Variants in ALG1 observed in about 807,000 individuals in gnomAD.
The protein encoded by ALG1 is chitobiosyldiphosphodolichol beta-mannosyltransferase.
Under a neutral mutation model 55.1 loss-of-function variants are expected in ALG1, and 58 were observed. The observed-to-expected ratio is 1.05, with a 90% confidence interval of 0.85 to 1.31. ALG1 has a LOEUF of 1.31. Among genes scored for constraint, ALG1 ranks in the 50% most tolerant of loss-of-function variants. The probability of loss-of-function intolerance (pLI) is 0.00; values close to 1 mark genes in which losing one functional copy is unlikely to be tolerated. For synonymous variants in ALG1, 309 were observed against 247.0 expected (o/e 1.25, Z -2.35); for missense variants, 761 against 598.6 (o/e 1.27, Z -2.83).
At position 5,073,021 on chromosome 16, in the gene ALG1, T is replaced by G; in HGVS notation, c.279T>G (p.Ser93Arg). Residue 93 changes from serine (S) to arginine (R), a missense_variant, in exon 2 of 13, where the codon AGT becomes AGG. Physicochemically the swap from Ser to Arg is moderately radical, Grantham distance 110. Transcript: ENST00000262374. ...IQIVGLTELQ[S>R]LAVGPRVFQY... ...TTGTGGGGTTGACAGAACTTCAGAG[T>G]CTTGCAGGTAGGATGCCGTCAACTC... The G allele has an allele frequency of 1.2e-6, 2 of 1,614,052 alleles. No individual in the cohort carries two copies. Among genetic ancestry groups the G allele is most frequent in the African/African-American group, 2.7e-5 (2 of 75,004 alleles).
chr16:5,085,856 C>T lies in ALG1; in HGVS notation c.*975C>T. The T allele has an allele frequency of 1.3e-6, 1 of 783,116 alleles. No individual in the cohort carries two copies. Among genetic ancestry groups the T allele is most frequent in the East Asian group, 2.6e-5 (1 of 39,094 alleles). The allele number at this position is 783,116 out of a possible 1,614,324, so 48.5% of individuals were successfully genotyped here. A position where few individuals can be genotyped will look rare whatever the true frequency, so the allele number is the denominator to read the frequency against. ...GGTGTCCAAGTCAGTTTACTTGGTT[C>T]ACAGGTTCCCAGGCCCACCCAGGTG... is the stretch of plus-strand genomic sequence containing the variant. On this transcript the variant is annotated 3_prime_UTR_variant, in exon 13 of 13. Coordinates refer to ENST00000262374, the MANE Select transcript of ALG1 (RefSeq NM_019109.5).
intron 9 of ALG1, 62 bp from the exon 10 acceptor site, chr16:5,080,884 C>T: frequency 1.3e-6 from 2 of 1,579,520 alleles, no homozygotes; most frequent in Non-Finnish European, 1.7e-6. Flanking sequence ...GTGTCTTGGG[C>T]CTGGGGCCAC....
chr16:5,071,935 G>C lies in ALG1; in HGVS notation c.86G>C (p.Gly29Ala). ...GGAGGATGGAAGCGCTGGCGCCGGG[G>C]GCGGGCGGCCCGGCATGTAGTAGCG... ...LLGGWKRWRRGRAARHVVAVV... is the reference protein window; with the variant it reads ...LLGGWKRWRRARAARHVVAVV... The change falls in exon 1 of 13, where the codon GGG becomes GCG. Residue 29 changes from glycine to alanine, a missense_variant. Coordinates refer to ENST00000262374, the MANE Select transcript of ALG1 (RefSeq NM_019109.5). 6.3e-7 allele frequency: 1 copy of C among 1,590,290 alleles called. No individual in the cohort carries two copies. The highest frequency in any genetic ancestry group is 8.6e-7 in the Non-Finnish European group (1 of 1,168,710).
chr16:5,075,644 A>C (rs961600551), intron 4 of ALG1, 108 bp downstream of exon 4: 8 of 1,403,968 alleles, frequency 5.7e-6, no homozygotes, highest in African/African-American at 4.2e-5. Context: ...TGGGCTCTGC[A>C]GGAGGTGGGG....
intron 7 of ALG1, 91 bp from the exon 8 acceptor site, chr16:5,078,973 C>G (rs967976418): frequency 6.9e-6 from 11 of 1,594,902 alleles, no homozygotes; most frequent in Non-Finnish European, 9.4e-6. Context: ...TGCTCCCACC[C>G]TGCCACGGTC....
intron 4 of ALG1, among the ~76,000 whole-genome samples, chr16:5,075,879 G>A (rs1308076359): frequency 1.3e-5 from 2 of 152,204 alleles, no homozygotes; most frequent in Non-Finnish European, 2.9e-5. Flanking sequence ...ATTGGGGAGG[G>A]CAGCCCTTTC....
In ALG1 at chr16:5,078,791, G is replaced by A. The variant is rs765193779; in HGVS notation, c.775G>A (p.Ala259Thr). 6.2e-7 allele frequency: 1 copy of A among 1,612,872 alleles called. No homozygotes were observed. Among genetic ancestry groups the A allele is most frequent in the East Asian group, 2.2e-5 (1 of 44,862 alleles). The stretch of plus-strand genomic sequence containing the variant: ...TGAGGACCCAGTCACGGAGCGGTCG[G>A]CCTTCACGGAGCGGGATGCTGGGAG... Reference protein sequence around the residue: ...EPEDPVTERSAFTERDAGSGL... With the variant: ...EPEDPVTERSTFTERDAGSGL... Residue 259 changes from alanine to threonine, a missense_variant, in exon 7 of 13, where the codon GCC (alanine) becomes ACC (threonine). By Grantham distance (58) the Ala-to-Thr change is moderately conservative. Transcript: ENST00000262374.
chr16:5,083,805 G>A, intron 12 of ALG1, 48 bp downstream of exon 12: 8 of 1,597,266 alleles, frequency 5.0e-6, no homozygotes, highest in Non-Finnish European at 5.9e-6. Context: ...TCTGGAGACT[G>A]GCACCGAGCC....
chr16:5,073,106 A>G (rs767064524), intron 2 of ALG1, 47 bp from the exon 3 acceptor site: 2 of 1,612,706 alleles, frequency 1.2e-6, no homozygotes, highest in Admixed American at 1.7e-5. Flanking sequence ...AGCCGTGCAG[A>G]TTGCCAGACG....
Position 5,086,719 on chromosome 16 carries a change from G to A in ALG1, c.*1838G>A, listed in dbSNP as rs1304378809. On this transcript the variant is annotated 3_prime_UTR_variant, in exon 13 of 13. Transcript: ENST00000262374. ...GAAGTTTTACTCTGTTCCCCAGGCT[G>A]GAGTGCAGTGGCACAATCTCAGCTC... The A allele has an allele frequency of 6.6e-6, 1 of 152,224 alleles. No individual in the cohort carries two copies. The highest frequency in any genetic ancestry group is 2.4e-5 in the African/African-American group (1 of 41,446). The allele number at this position is 152,224 out of a possible 1,614,324, so 9.4% of individuals were successfully genotyped here.
intron 11 of ALG1, 91 bp from the exon 12 acceptor site, chr16:5,083,591 G>C (rs917792781): frequency 1.0e-5 from 16 of 1,593,096 alleles, no homozygotes; most frequent in African/African-American, 4.0e-5. Context: ...CCTGGCTTGA[G>C]CATGGGGTGT....
intron 9 of ALG1, 33 bp downstream of exon 9, chr16:5,079,840 T>G (rs1467758065): frequency 6.8e-6 from 11 of 1,605,908 alleles, no homozygotes; most frequent in Non-Finnish European, 9.4e-6. Context: ...TCTGTTTGGT[T>G]GGGGGATGGC....
In ALG1 at chr16:5,081,018, C is replaced by G; in HGVS notation, c.1034C>G (p.Thr345Ser). ...CACTTCCAGCACATCCAGGTCTGCA[C>G]CCCCTGGCTGGAGGCCGAGGACTAC... ...QKHFQHIQVCTPWLEAEDYPL... is the reference protein window; with the variant it reads ...QKHFQHIQVCSPWLEAEDYPL... Residue 345 changes from threonine (T) to serine (S), a missense_variant, in exon 10 of 13, where the codon ACC becomes AGC. Physicochemically the swap from Thr to Ser is moderately conservative, Grantham distance 58. Coordinates refer to ENST00000262374, the MANE Select transcript of ALG1 (RefSeq NM_019109.5). 1.3e-6 allele frequency: 2 copies of G among 1,596,376 alleles called. No individual in the cohort carries two copies. Among genetic ancestry groups the G allele is most frequent in the Non-Finnish European group, 1.7e-6 (2 of 1,179,742 alleles).
Position 5,085,961 on chromosome 16 carries a change from C to T in ALG1, c.*1080C>T, listed in dbSNP as rs1957149171. 6.6e-6 allele frequency among the ~76,000 whole-genome samples: 1 copy of T among 152,184 alleles called. No individual in the cohort carries two copies. Among genetic ancestry groups the T allele is most frequent in the Non-Finnish European group, 1.5e-5 (1 of 68,038 alleles). ...TAGCAGCAGGCACCGTGCCGCTGTC[C>T]ACTCTCTGCCTGTGTCTGCCCCAGC... On this transcript the variant is annotated 3_prime_UTR_variant, in exon 13 of 13. Transcript: ENST00000262374.
In ALG1 at chr16:5,075,462, C is replaced by G. The variant is rs1485213805; in HGVS notation, c.465C>G (p.Asp155Glu). Residue 155 changes from aspartate to glutamate, a missense_variant, in exon 4 of 13, where the codon GAC becomes GAG. Physicochemically the swap from Asp to Glu is conservative, Grantham distance 45. Transcript: ENST00000262374. ...GCLCGSKLVIDWHNYGYSIMG... is the reference protein window; with the variant it reads ...GCLCGSKLVIEWHNYGYSIMG... ...TTTGTGGAAGCAAGCTCGTCATTGA[C>G]TGGCACAACTATGGCTACTCCATCA... The G allele has an allele frequency of 3.1e-6, 5 of 1,614,082 alleles. No individual in the cohort carries two copies. The highest frequency in any genetic ancestry group is 4.2e-6 in the Non-Finnish European group (5 of 1,180,058).
At chr16:5,080,004 A>G (rs868805330) in intron 9 of ALG1, among the ~76,000 whole-genome samples, 197 bp downstream of exon 9, 3 of 151,524 alleles carry the variant, frequency 2.0e-5, no homozygotes, top group African/African-American at 7.3e-5. Context: ...GAATCTGTAG[A>G]TACCAAGCTT....
In ALG1 at chr16:5,081,022, C is replaced by T; in HGVS notation, c.1038C>T (p.Pro346=). The stretch of plus-strand genomic sequence containing the variant: ...TCCAGCACATCCAGGTCTGCACCCC[C>T]TGGCTGGAGGCCGAGGACTACCCCC... ...KHFQHIQVCT[P]WLEAEDYPLL... is the part of the protein sequence containing the mutation. The change falls in exon 10 of 13, where the codon CCC becomes CCT. Residue 346 remains proline, a synonymous_variant. Transcript: ENST00000262374. 7.0e-6 allele frequency: 11 copies of T among 1,562,590 alleles called. No homozygotes were observed. Among genetic ancestry groups the T allele is most frequent in the Non-Finnish European group, 9.5e-6 (11 of 1,158,954 alleles).
intron 6 of ALG1, 162 bp downstream of exon 6, chr16:5,078,179 C>T: frequency 3.6e-6 from 3 of 833,898 alleles, no homozygotes; most frequent in South Asian, 1.4e-5. Flanking sequence ...GGACACAACA[C>T]ACTCATTGCC....
At chr16:5,076,614 G>A (rs924541410) in intron 4 of ALG1, among the ~76,000 whole-genome samples, 6 of 152,090 alleles carry the variant, frequency 3.9e-5, no homozygotes, top group African/African-American at 1.2e-4. Flanking sequence ...CCAGAATCGC[G>A]CATGCCGTGT....
Sources: gnomAD v4.1 joint callset for allele counts (sites outside exome capture counted in the v4.1 genomes callset) on GRCh38, gnomAD v4.1.1 for gene constraint, MANE v1.5 for transcripts, NCBI Gene and HGNC (gene_info 2026-07-23, HGNC 2026-07-21) for gene names.